SLC25A21: variants seen among roughly 807,000 people sequenced by gnomAD.
The protein encoded by SLC25A21 is solute carrier family 25 member 21.
Under a neutral mutation model 43.8 loss-of-function variants are expected in SLC25A21, and 47 were observed. That is an observed-to-expected ratio of 1.07 (90% CI 0.85 to 1.37). SLC25A21 has a LOEUF of 1.37. Among genes scored for constraint, SLC25A21 ranks in the 40% most tolerant of loss-of-function variants. The probability of loss-of-function intolerance (pLI) is 0.00; values close to 1 mark genes in which losing one functional copy is unlikely to be tolerated. For missense variants in SLC25A21, 352 were observed against 350.2 expected, an observed-to-expected ratio of 1.00 and a Z score of -0.04; for synonymous variants, 131 against 121.3, an observed-to-expected ratio of 1.08 and a Z score of -0.52.
chr14:36,840,532 C>T (rs1889353924), intron 2 of SLC25A21, among the ~76,000 whole-genome samples: 1 of 152,198 alleles, frequency 6.6e-6, no homozygotes, highest in Non-Finnish European at 1.5e-5. Context: ...TTACTAGTCT[C>T]ACTAATGAGA....
chr14:37,040,623 T>G (rs1280638565), intron 1 of SLC25A21, among the ~76,000 whole-genome samples: 1 of 151,786 alleles, frequency 6.6e-6, no homozygotes, highest in Non-Finnish European at 1.5e-5. Context: ...ATAATTAAAT[T>G]TACTTTTTCT....
intron 1 of SLC25A21, among the ~76,000 whole-genome samples, chr14:37,167,424 T>C (rs1424462180): frequency 6.6e-6 from 1 of 152,098 alleles, no homozygotes; most frequent in East Asian, 1.9e-4. Context: ...CCTAAGCAAC[T>C]CCATCTTGCT....
At chr14:36,951,155 CA>C (rs1892800536) in intron 1 of SLC25A21, among the ~76,000 whole-genome samples, 1 of 148,336 alleles carries the variant, frequency 6.7e-6, no homozygotes, top group Non-Finnish European at 1.5e-5. Flanking sequence ...AACCACTAAC[CA>C]AAAACTACTC....
chr14:36,781,563 T>C (rs1887062966), intron 3 of SLC25A21, among the ~76,000 whole-genome samples: 1 of 152,224 alleles, frequency 6.6e-6, no homozygotes, highest in African/African-American at 2.4e-5. Flanking sequence ...ATATCAGTCA[T>C]TTTAAGTTGA....
chr14:37,137,648 G>A (rs951504345), intron 1 of SLC25A21, among the ~76,000 whole-genome samples: 15 of 152,204 alleles, frequency 9.9e-5, no homozygotes, highest in Non-Finnish European at 1.9e-4. Context: ...GTAGGATCAT[G>A]AGTAAAGCGA....
intron 1 of SLC25A21, among the ~76,000 whole-genome samples, chr14:37,131,425 G>C (rs560345016): frequency 3.3e-5 from 5 of 152,196 alleles, no homozygotes; most frequent in South Asian, 2.1e-4. Flanking sequence ...TGACTGTTTG[G>C]TACTAACCAA....
Position 36,751,151 on chromosome 14 carries a change from C to T in SLC25A21, c.204-16578G>A, listed in dbSNP as rs140196143. On this transcript the variant is annotated intron_variant, in intron 3 of 9. Transcript: ENST00000331299. ...CTCAAAAGAGATTAATATTTCATTA[C>T]ACCTCTGTCTATCAAGACTAGTAGA... Among the ~76,000 whole-genome samples the T allele has an allele frequency of 8.5e-5, 13 of 152,332 alleles. No homozygotes were observed. In the East Asian group the frequency reaches 2.1e-3, roughly 25 times the overall value.
Position 36,697,241 on chromosome 14 carries a change from G to C in SLC25A21, c.604-12316C>G, listed in dbSNP as rs144785215. Among the ~76,000 whole-genome samples, 217 of 152,286 alleles carry C rather than the reference G, an allele frequency of 1.4e-3. 2 individuals are homozygous for C. Among genetic ancestry groups the C allele is most frequent in the Non-Finnish European group, 1.3e-4 (9 of 68,024 alleles). On this transcript the variant is annotated intron_variant, in intron 7 of 9. Transcript: ENST00000331299. ...AGTTTTGAGTGAGTTTCTTAATCCT[G>C]AGTTCTAATTTGATTGCACTGTGGT...
intron 1 of SLC25A21, among the ~76,000 whole-genome samples, chr14:36,878,905 TA>T (rs1323294158): frequency 1.4e-4 from 22 of 152,142 alleles, no homozygotes; most frequent in African/African-American, 5.3e-4. Context: ...ATTCATGATA[TA>T]AAAATTGTAC....
intron 1 of SLC25A21, among the ~76,000 whole-genome samples, chr14:37,156,524 T>C (rs1963853792): frequency 6.6e-6 from 1 of 151,972 alleles, no homozygotes. Flanking sequence ...TATATACTGC[T>C]TACAAGAAAC....
intron 1 of SLC25A21, among the ~76,000 whole-genome samples, chr14:36,953,847 A>C (rs79918194): frequency 1.3e-5 from 2 of 152,196 alleles, no homozygotes; most frequent in African/African-American, 4.8e-5. Flanking sequence ...TATTAAATTT[A>C]TTAGATATTT....
chr14:36,971,653 T>C (rs1281186643), intron 1 of SLC25A21, among the ~76,000 whole-genome samples: 4 of 152,070 alleles, frequency 2.6e-5, no homozygotes, highest in Non-Finnish European at 5.9e-5. Flanking sequence ...GCTGCTCTCC[T>C]CTCTCCTTTC....
chr14:37,119,863 C>T (rs10483488), intron 1 of SLC25A21, among the ~76,000 whole-genome samples: 18,569 of 152,064 alleles, frequency 0.12, 2,853 homozygotes, highest in African/African-American at 0.36. Flanking sequence ...TTACTGTACA[C>T]TGTTCTCAGG....
Position 36,735,172 on chromosome 14 carries a change from A to G in SLC25A21, c.204-599T>C, listed in dbSNP as rs367949924. The stretch of plus-strand genomic sequence containing the variant: ...GGACTATGTATTGCCAACAGAAGAA[A>G]TGTCAGACTCCCTTGCTGATATGTA... On this transcript the variant is annotated intron_variant, in intron 3 of 9. Transcript: ENST00000331299. Among the ~76,000 whole-genome samples, 15 of 152,292 alleles carry G rather than the reference A, an allele frequency of 9.8e-5. No homozygotes were observed. The East Asian group carries it at 1.4e-3, about 14-fold the overall frequency.
rs566732181 is a variant in SLC25A21 at position 37,003,019 on chromosome 14, A to G, written c.71-128015T>C. 4.0e-4 allele frequency among the ~76,000 whole-genome samples: 61 copies of G among 152,356 alleles called. 1 individual carries two copies. The highest frequency in any genetic ancestry group is 2.0e-3 in the Admixed American group (30 of 15,302). ...TTCACCAAAAGACATTTCTAAGAAT[A>G]CAGTAGTCTCCCCTTATCTATTGAG... On this transcript the variant is annotated intron_variant, in intron 1 of 9. Transcript: ENST00000331299.
At chr14:36,794,643 C>T (rs1249636277) in intron 3 of SLC25A21, among the ~76,000 whole-genome samples, 4 of 151,968 alleles carry the variant, frequency 2.6e-5, no homozygotes, top group Admixed American at 2.6e-4. Flanking sequence ...GTGGCGCATG[C>T]CTGTAATACC....
chr14:36,894,979 A>G (rs538347115), intron 1 of SLC25A21, among the ~76,000 whole-genome samples: 2 of 152,308 alleles, frequency 1.3e-5, no homozygotes, highest in South Asian at 4.1e-4. Context: ...GATGTTCATC[A>G]GGGACATTGG....
At chr14:36,928,510 A>C (rs1210701752) in intron 1 of SLC25A21, among the ~76,000 whole-genome samples, 1 of 152,132 alleles carries the variant, frequency 6.6e-6, no homozygotes, top group Non-Finnish European at 1.5e-5. Flanking sequence ...GGGAGGTTAA[A>C]GTTGTACATT....
At chr14:36,877,312 C>A (rs890219196) in intron 1 of SLC25A21, among the ~76,000 whole-genome samples, 2 of 152,132 alleles carry the variant, frequency 1.3e-5, no homozygotes, top group Non-Finnish European at 2.9e-5. Flanking sequence ...AGAATCAGAC[C>A]ACATTTATAT....
Sources: gnomAD v4.1 joint callset for allele counts (sites outside exome capture counted in the v4.1 genomes callset) on GRCh38, gnomAD v4.1.1 for gene constraint, MANE v1.5 for transcripts, NCBI Gene and HGNC (gene_info 2026-07-23, HGNC 2026-07-21) for gene names.